Variants in CACNA1C observed in about 807,000 individuals in gnomAD.
The protein encoded by CACNA1C is voltage-dependent L-type calcium channel subunit alpha-1C.
Under a neutral mutation model 229.0 loss-of-function variants are expected in CACNA1C, and 30 were observed. The ratio of observed to expected loss-of-function variants is 0.13; its 90% CI spans 0.10 to 0.18. The LOEUF is 0.18. Ranked by LOEUF, CACNA1C falls within the 10% of genes least tolerant of loss-of-function variation. CACNA1C has a pLI of 1.00. For missense variants in CACNA1C, 1,658 were observed against 2,845.0 expected (o/e 0.58, Z 9.49); for synonymous variants, 1,114 against 1,132.5 (o/e 0.98, Z 0.33).
At position 2,181,504 on chromosome 12, in the gene CACNA1C, G is replaced by A. The variant is rs79731981; in HGVS notation, c.477+61074G>A. ...TTCCAAAACTCAGTTGCTGAAAGGCGTAATAGGGGAGCGCAGATTTGAGGG... is the reference window on the plus strand; with the variant it reads ...TTCCAAAACTCAGTTGCTGAAAGGCATAATAGGGGAGCGCAGATTTGAGGG... On this transcript the variant is annotated intron_variant, in intron 3 of 46. Transcript: ENST00000399655. This position sits in a 1 kb window ranked among gnomAD's most constrained non-coding sequence, Gnocchi z 4.0. Among the ~76,000 whole-genome samples, 92 of 152,236 alleles carry A rather than the reference G, an allele frequency of 6.0e-4. No homozygotes were observed. Among genetic ancestry groups the A allele is most frequent in the Middle Eastern group, 3.4e-3 (1 of 292 alleles).
intron 3 of CACNA1C, among the ~76,000 whole-genome samples, chr12:2,235,834 A>G (rs1377583728): frequency 1.3e-5 from 2 of 152,024 alleles, no homozygotes; most frequent in African/African-American, 2.4e-5. Flanking sequence ...TTTCACTTCC[A>G]CTTTGCATCC....
chr12:2,500,561 C>G (rs72653434), intron 7 of CACNA1C, among the ~76,000 whole-genome samples: 5,725 of 152,266 alleles, frequency 0.038, 147 homozygotes, highest in East Asian at 0.14. Flanking sequence ...CCAGAGGCAG[C>G]TTTGGGAGGG....
intron 3 of CACNA1C, among the ~76,000 whole-genome samples, chr12:2,126,686 G>A (rs2090193052): frequency 6.6e-6 from 1 of 152,210 alleles, no homozygotes; most frequent in Admixed American, 6.5e-5. Flanking sequence ...GTCCGTCAGA[G>A]GGGCTTGAGC....
intron 5 of CACNA1C, among the ~76,000 whole-genome samples, chr12:2,474,648 C>T (rs895921752): frequency 3.3e-5 from 5 of 150,868 alleles, no homozygotes; most frequent in East Asian, 2.0e-4. Context: ...CCCAGTTGCT[C>T]GGGAGGCTGA....
chr12:2,295,324 C>A (rs2093936681), intron 3 of CACNA1C, among the ~76,000 whole-genome samples: 1 of 152,058 alleles, frequency 6.6e-6, no homozygotes, highest in African/African-American at 2.4e-5. Flanking sequence ...ACTAACATGC[C>A]CCTCCCTCTT....
intron 3 of CACNA1C, among the ~76,000 whole-genome samples, chr12:2,389,176 G>A (rs943644578): frequency 6.6e-6 from 1 of 152,108 alleles, no homozygotes; most frequent in African/African-American, 2.4e-5. Flanking sequence ...GGGAATAGAG[G>A]TGGTGAACAG....
intron 3 of CACNA1C, among the ~76,000 whole-genome samples, chr12:2,227,522 G>A (rs2063383374): frequency 6.6e-6 from 1 of 152,276 alleles, no homozygotes; most frequent in East Asian, 1.9e-4. Flanking sequence ...TCAGCCTGTG[G>A]TGAATCATTA....
At chr12:2,685,310 G>A (rs2097393891) in intron 43 of CACNA1C, among the ~76,000 whole-genome samples, 1 of 150,972 alleles carries the variant, frequency 6.6e-6, no homozygotes, top group Non-Finnish European at 1.5e-5. Flanking sequence ...GGGGTGGCAG[G>A]GCGGGAGAAA....
At chr12:2,320,018 C>T (rs1398733599) in intron 3 of CACNA1C, among the ~76,000 whole-genome samples, 1 of 152,184 alleles carries the variant, frequency 6.6e-6, no homozygotes, top group Non-Finnish European at 1.5e-5. Flanking sequence ...TCTCTGAAGT[C>T]TGCAGCCAAG....
rs2047884533 is a variant in CACNA1C at position 2,029,509 on chromosome 12, A to G, written c.139+58308A>G. Among the ~76,000 whole-genome samples, 1 of 152,230 alleles carries G rather than the reference A, an allele frequency of 6.6e-6. No homozygotes were observed. The highest frequency in any genetic ancestry group is 2.4e-5 in the African/African-American group (1 of 41,472). ...TACCTATTCTGTATTTTTCACAGAAATGGAATCATGCACTAGGTGAACTTT... is the reference window on the plus strand; with the variant it reads ...TACCTATTCTGTATTTTTCACAGAAGTGGAATCATGCACTAGGTGAACTTT... On this transcript the variant is annotated intron_variant, in intron 1 of 46. Coordinates refer to the CACNA1C transcript ENST00000682462. The surrounding 1 kb of genome is among the most constrained non-coding windows in gnomAD (Gnocchi z 4.9).
intron 10 of CACNA1C, among the ~76,000 whole-genome samples, chr12:2,552,173 C>A (rs1439192673): frequency 6.6e-6 from 1 of 152,212 alleles, no homozygotes; most frequent in East Asian, 1.9e-4. Context: ...CAGGACAGAG[C>A]TGTTTATCCA....
intron 3 of CACNA1C, among the ~76,000 whole-genome samples, chr12:2,313,388 A>T (rs77092967): frequency 0.038 from 5,835 of 152,186 alleles, 263 homozygotes; most frequent in African/African-American, 0.1. Flanking sequence ...TTGCCTCAAA[A>T]CTGCTCACAA....
At chr12:2,314,312 A>G (rs576116698) in intron 3 of CACNA1C, among the ~76,000 whole-genome samples, 1 of 152,224 alleles carries the variant, frequency 6.6e-6, no homozygotes, top group Non-Finnish European at 1.5e-5. Flanking sequence ...TGGAGCCTTC[A>G]AAATTCCATG....
intron 3 of CACNA1C, among the ~76,000 whole-genome samples, chr12:2,293,774 A>G (rs945488798): frequency 6.6e-6 from 1 of 152,158 alleles, no homozygotes; most frequent in African/African-American, 2.4e-5. Flanking sequence ...ACCATATTAT[A>G]CTCTTATCAT....
intron 3 of CACNA1C, among the ~76,000 whole-genome samples, chr12:2,120,763 C>T (rs923774787): frequency 1.3e-5 from 2 of 151,232 alleles, no homozygotes; most frequent in Non-Finnish European, 2.9e-5. Flanking sequence ...GTGTTCGCTG[C>T]AGCGAACATC....
chr12:2,581,916 G>A, intron 14 of CACNA1C, 119 bp downstream of exon 14: 1 of 618,246 alleles, frequency 1.6e-6, no homozygotes. Flanking sequence ...GATCAGCCCT[G>A]GAGAGCCCAT....
At chr12:2,128,349 A>T (rs2090972576) in intron 3 of CACNA1C, among the ~76,000 whole-genome samples, 1 of 152,176 alleles carries the variant, frequency 6.6e-6, no homozygotes, top group African/African-American at 2.4e-5. Flanking sequence ...AAACAAACAA[A>T]ATTTGGTTCT....
At position 2,651,850 on chromosome 12, in the gene CACNA1C, C is replaced by T; in HGVS notation, c.4074+82C>T. The T allele has an allele frequency of 1.7e-6, 2 of 1,152,232 alleles. No individual in the cohort carries two copies. Among genetic ancestry groups the T allele is most frequent in the Admixed American group, 2.4e-5 (1 of 41,904 alleles). The allele number at this position is 1,152,232 out of a possible 1,614,324, so 71.4% of individuals were successfully genotyped here. A position where few individuals can be genotyped will look rare whatever the true frequency, so the allele number is the denominator to read the frequency against. ...GAACACAGCTGACACAAGGAGGAGCCCTCCACTCTGGGGCCCTGCTCCTTC... is the reference window on the plus strand; with the variant it reads ...GAACACAGCTGACACAAGGAGGAGCTCTCCACTCTGGGGCCCTGCTCCTTC... On this transcript the variant is annotated intron_variant, in intron 32 of 46. Coordinates refer to ENST00000399655, the MANE Select transcript of CACNA1C (RefSeq NM_000719.7). This position sits in a 1 kb window ranked among gnomAD's most constrained non-coding sequence, Gnocchi z 5.4.
At chr12:2,642,250 AC>A (rs1165868688) in intron 30 of CACNA1C, among the ~76,000 whole-genome samples, 1 of 151,998 alleles carries the variant, frequency 6.6e-6, no homozygotes, top group East Asian at 1.9e-4. Flanking sequence ...AAACTGTGTC[AC>A]TTTTTGTTTC....
Sources: allele counts gnomAD v4.1 joint callset (sites outside exome capture counted in the v4.1 genomes callset), GRCh38; gene constraint gnomAD v4.1.1; non-coding constraint Gnocchi (gnomAD v3.1); transcripts MANE v1.5; gene names NCBI Gene and HGNC (gene_info 2026-07-23, HGNC 2026-07-21).